The following CNTN4 variants were observed in gnomAD, a reference collection of about 807,000 sequenced individuals.
The protein encoded by CNTN4 is contactin 4, also known as contactin-4.
In CNTN4, 77 loss-of-function variants were observed where a neutral mutation model predicts 122.5. The observed-to-expected ratio is 0.63, with a 90% CI of 0.52 to 0.76. The LOEUF is 0.76. Among genes scored for constraint, CNTN4 ranks in the 30% least tolerant of loss-of-function variants. CNTN4 has a pLI of 0.00. For synonymous variants in CNTN4, 512 were observed against 447.0 expected (o/e 1.15, Z -1.83); for missense variants, 1,256 against 1,259.1 (o/e 1.00, Z 0.04).
chr3:2,188,454 G>C (rs575074985), intron 2 of CNTN4, among the ~76,000 whole-genome samples: 1 of 152,282 alleles, frequency 6.6e-6, no homozygotes, highest in South Asian at 2.1e-4. Flanking sequence ...TCCTGAGGAA[G>C]ATTGGGAGCT....
chr3:2,647,998 G>C (rs1440538620), intron 4 of CNTN4, among the ~76,000 whole-genome samples: 1 of 152,166 alleles, frequency 6.6e-6, no homozygotes, highest in Non-Finnish European at 1.5e-5. Flanking sequence ...TATGCAAATT[G>C]CTATGTTCTG....
At chr3:2,854,377 A>C (rs2093595700) in intron 7 of CNTN4, among the ~76,000 whole-genome samples, 1 of 145,114 alleles carries the variant, frequency 6.9e-6, no homozygotes, top group African/African-American at 2.6e-5. Flanking sequence ...GGTTCAAGAG[A>C]TTTTCCTGCC....
At chr3:2,917,128 C>T (rs113716827) in intron 12 of CNTN4, among the ~76,000 whole-genome samples, 37,098 of 121,614 alleles carry the variant, frequency 0.31, 6,992 homozygotes, top group East Asian at 0.54. Flanking sequence ...GGCGAAACCC[C>T]GTCTCCACCA....
At chr3:2,945,304 G>A (rs899838831) in intron 13 of CNTN4, among the ~76,000 whole-genome samples, 1 of 152,148 alleles carries the variant, frequency 6.6e-6, no homozygotes, top group Non-Finnish European at 1.5e-5. Context: ...GAATCTGTCT[G>A]AATTTCTCAT....
At chr3:3,016,362 C>T (rs528059661) in intron 14 of CNTN4, among the ~76,000 whole-genome samples, 22 of 152,232 alleles carry the variant, frequency 1.4e-4, no homozygotes, top group Admixed American at 4.6e-4. Context: ...AGGAAGTATT[C>T]TTATTCATAG....
At chr3:2,478,468 A>G (rs965387567) in intron 3 of CNTN4, among the ~76,000 whole-genome samples, 2 of 132,080 alleles carry the variant, frequency 1.5e-5, no homozygotes, top group Admixed American at 7.4e-5. Context: ...TGGGATGTGT[A>G]GGTTTGTTAC....
chr3:2,748,569 CTTTAA>C (rs1165502580), intron 6 of CNTN4, among the ~76,000 whole-genome samples: 1 of 152,106 alleles, frequency 6.6e-6, no homozygotes, highest in Non-Finnish European at 1.5e-5. Flanking sequence ...GAAATTAAAC[CTTTAA>C]TTTAATATTA....
At chr3:3,048,050 G>A (rs1700855892) in intron 23 of CNTN4, among the ~76,000 whole-genome samples, 1 of 152,064 alleles carries the variant, frequency 6.6e-6, no homozygotes, top group African/African-American at 2.4e-5. Flanking sequence ...CTTCTTTTTA[G>A]GAGTGGTACT....
chr3:2,670,945 T>A (rs2084475061), intron 4 of CNTN4, among the ~76,000 whole-genome samples: 1 of 152,150 alleles, frequency 6.6e-6, no homozygotes, highest in Non-Finnish European at 1.5e-5. Context: ...TGGCTTGTAG[T>A]TTCTGCGGAG....
At chr3:2,717,414 C>T (rs754458020) in intron 4 of CNTN4, among the ~76,000 whole-genome samples, 5 of 152,154 alleles carry the variant, frequency 3.3e-5, no homozygotes, top group Non-Finnish European at 5.9e-5. Flanking sequence ...CCTTGGCTGG[C>T]GTTTTCACAC....
intron 11 of CNTN4, among the ~76,000 whole-genome samples, chr3:2,901,746 C>T (rs1380930877): frequency 7.2e-5 from 11 of 152,172 alleles, no homozygotes; most frequent in Non-Finnish European, 1.6e-4. Context: ...AATGGGAGAT[C>T]AGTCTCAAAT....
chr3:2,401,132 A>T (rs2046842442), intron 3 of CNTN4, among the ~76,000 whole-genome samples: 1 of 152,140 alleles, frequency 6.6e-6, no homozygotes, highest in Non-Finnish European at 1.5e-5. Flanking sequence ...AATTTGACAA[A>T]ATTGCAATTA....
At chr3:2,525,923 T>G (rs2077382318) in intron 3 of CNTN4, among the ~76,000 whole-genome samples, 2 of 152,092 alleles carry the variant, frequency 1.3e-5, no homozygotes, top group Non-Finnish European at 2.9e-5. Flanking sequence ...CAAATACACA[T>G]TATACCTCCA....
chr3:2,234,027 T>C (rs1193323629), intron 2 of CNTN4, among the ~76,000 whole-genome samples: 2 of 152,174 alleles, frequency 1.3e-5, no homozygotes, highest in Non-Finnish European at 2.9e-5. Flanking sequence ...GTTAGGTATC[T>C]AGTAATTTTT....
chr3:2,355,862 T>C (rs2044849198), intron 3 of CNTN4, among the ~76,000 whole-genome samples: 1 of 152,190 alleles, frequency 6.6e-6, no homozygotes, highest in African/African-American at 2.4e-5. Flanking sequence ...TAAAATACAT[T>C]CAGAAAATTG....
chr3:2,875,035 T>G (rs1187636946), intron 8 of CNTN4, among the ~76,000 whole-genome samples: 2 of 152,182 alleles, frequency 1.3e-5, no homozygotes, highest in East Asian at 3.9e-4. Context: ...CAGGCTGGAA[T>G]GCAGTGGTGC....
chr3:2,869,368 G>C (rs557630170), intron 8 of CNTN4, among the ~76,000 whole-genome samples: 102 of 152,226 alleles, frequency 6.7e-4, no homozygotes, highest in African/African-American at 1.5e-3. Context: ...ATGGATTCAG[G>C]ATATAGTTTG....
chr3:3,006,144 G>A (rs1696616775), intron 14 of CNTN4, among the ~76,000 whole-genome samples: 5 of 152,046 alleles, frequency 3.3e-5, no homozygotes, highest in Admixed American at 3.3e-4. Context: ...CCAAGGTGCT[G>A]GGATTACAGG....
Position 2,916,909 on chromosome 3 carries a change from G to A in CNTN4, c.1208-8720G>A, listed in dbSNP as rs2094367170. On this transcript the variant is annotated intron_variant, in intron 12 of 24. Transcript: ENST00000418658. Reference sequence around the variant, plus strand: ...ACTTCCTAGACGGGGTGGCGGCCGGGCAGAGGCTGCAGTCTCGGCACTTTG... The same window carrying A: ...ACTTCCTAGACGGGGTGGCGGCCGGACAGAGGCTGCAGTCTCGGCACTTTG... 4.0e-5 allele frequency among the ~76,000 whole-genome samples: 6 copies of A among 149,536 alleles called. No individual in the cohort carries two copies. In the South Asian group the frequency reaches 1.3e-3, roughly 32 times the overall value.
Sources: gnomAD v4.1 joint callset for allele counts (sites outside exome capture counted in the v4.1 genomes callset) on GRCh38, gnomAD v4.1.1 for gene constraint, MANE v1.5 for transcripts, NCBI Gene and HGNC (gene_info 2026-07-23, HGNC 2026-07-21) for gene names.